The following GRIK4 variants were observed in gnomAD, a reference collection of about 807,000 sequenced individuals.
The protein encoded by GRIK4 is glutamate ionotropic receptor kainate type subunit 4.
In GRIK4, 40 loss-of-function variants were observed where a neutral mutation model predicts 104.9. That is an observed-to-expected ratio of 0.38 (90% CI 0.30 to 0.50). The LOEUF (loss-of-function observed/expected upper bound fraction) is 0.50. Ranked by LOEUF, GRIK4 falls within the 20% of genes least tolerant of loss-of-function variation. The pLI, the probability that GRIK4 is intolerant of heterozygous loss-of-function variation, is 0.93. For missense variants in GRIK4, 1,047 were observed against 1,308.1 expected, an observed-to-expected ratio of 0.80 and a Z score of 3.08; for synonymous variants, 485 against 524.9, an observed-to-expected ratio of 0.92 and a Z score of 1.04.
chr11:120,579,102 A>G (rs187202669), intron 1 of GRIK4, among the ~76,000 whole-genome samples: 16 of 152,250 alleles, frequency 1.1e-4, no homozygotes, highest in Non-Finnish European at 2.2e-4. Flanking sequence ...TTGAGCATCC[A>G]CTGTATGCCA....
chr11:120,572,696 A>G (rs1298682197), intron 1 of GRIK4, among the ~76,000 whole-genome samples: 2 of 152,132 alleles, frequency 1.3e-5, no homozygotes, highest in African/African-American at 2.4e-5. Flanking sequence ...AATAAAATCC[A>G]CTGATAATTC....
chr11:120,520,706 A>G (rs1947786633), intron 1 of GRIK4, among the ~76,000 whole-genome samples: 1 of 152,232 alleles, frequency 6.6e-6, no homozygotes, highest in African/African-American at 2.4e-5. Flanking sequence ...GCCGAGGATT[A>G]GAAGGAGTGG....
At chr11:120,616,015 A>G (rs1949108080) in intron 1 of GRIK4, among the ~76,000 whole-genome samples, 1 of 152,170 alleles carries the variant, frequency 6.6e-6, no homozygotes, top group Non-Finnish European at 1.5e-5. Context: ...TGTCTCCTCC[A>G]GGACCCAGCT....
At chr11:120,803,173 G>A (rs761106957) in intron 4 of GRIK4, among the ~76,000 whole-genome samples, 2 of 152,146 alleles carry the variant, frequency 1.3e-5, no homozygotes, top group Admixed American at 6.5e-5. Context: ...ATGAAATCTC[G>A]TGTGTGATAA....
intron 1 of GRIK4, among the ~76,000 whole-genome samples, chr11:120,628,582 G>T (rs900963896): frequency 6.6e-6 from 1 of 152,194 alleles, no homozygotes; most frequent in African/African-American, 2.4e-5. Flanking sequence ...GCCATGGAAA[G>T]GTTGATGGTC....
chr11:120,957,707 A>G (rs1565462560), intron 16 of GRIK4, among the ~76,000 whole-genome samples: 1 of 151,566 alleles, frequency 6.6e-6, no homozygotes, highest in Non-Finnish European at 1.5e-5. Flanking sequence ...GTCATAGCAT[A>G]CAGGACTTAC....
intron 3 of GRIK4, among the ~76,000 whole-genome samples, chr11:120,768,669 C>T (rs1951883664): frequency 6.6e-6 from 1 of 152,168 alleles, no homozygotes; most frequent in South Asian, 2.1e-4. Flanking sequence ...ATGAGTTTAG[C>T]TATGGGTTTT....
chr11:120,823,153 C>T (rs1953169537), intron 6 of GRIK4, among the ~76,000 whole-genome samples: 1 of 152,232 alleles, frequency 6.6e-6, no homozygotes, highest in African/African-American at 2.4e-5. Context: ...GATGGTCCTG[C>T]AGTCTTCCTC....
At chr11:120,711,004 G>C (rs1950724549) in intron 3 of GRIK4, among the ~76,000 whole-genome samples, 1 of 149,824 alleles carries the variant, frequency 6.7e-6, no homozygotes, top group Admixed American at 6.6e-5. Flanking sequence ...AGGTGGGGAG[G>C]GGGTGTGAGC....
intron 11 of GRIK4, among the ~76,000 whole-genome samples, chr11:120,894,069 A>G (rs1458408652): frequency 6.6e-6 from 1 of 152,198 alleles, no homozygotes; most frequent in Non-Finnish European, 1.5e-5. Flanking sequence ...TCTGGGAACT[A>G]TACTTTGAGA....
chr11:120,934,914 C>T (rs1210205331), intron 13 of GRIK4, among the ~76,000 whole-genome samples: 5 of 152,122 alleles, frequency 3.3e-5, no homozygotes, highest in Admixed American at 2.6e-4. Flanking sequence ...GGTTTTCCAT[C>T]CCCCCTGGGT....
At chr11:120,527,588 G>T (rs928325259) in intron 1 of GRIK4, among the ~76,000 whole-genome samples, 153 of 152,364 alleles carry the variant, frequency 1.0e-3, no homozygotes, top group African/African-American at 3.5e-3. Context: ...TCCTCCAGGG[G>T]CGGGCTGGGG....
chr11:120,938,202 G>C (rs1233597757), intron 13 of GRIK4, among the ~76,000 whole-genome samples: 2 of 152,258 alleles, frequency 1.3e-5, no homozygotes, highest in Non-Finnish European at 2.9e-5. Context: ...CTGTTGTGGA[G>C]GGGCTGAGGC....
chr11:120,692,451 C>G (rs1230118464), intron 3 of GRIK4, among the ~76,000 whole-genome samples: 1 of 152,136 alleles, frequency 6.6e-6, no homozygotes. Flanking sequence ...ATAAACAGAT[C>G]TTGACAATTC....
chr11:120,668,702 G>A (rs996319525), intron 3 of GRIK4, among the ~76,000 whole-genome samples: 1 of 152,136 alleles, frequency 6.6e-6, no homozygotes, highest in Non-Finnish European at 1.5e-5. Flanking sequence ...GTTGGCTCCC[G>A]GGAGGCTCTA....
At chr11:120,604,802 G>A (rs1347333163) in intron 1 of GRIK4, among the ~76,000 whole-genome samples, 1 of 152,194 alleles carries the variant, frequency 6.6e-6, no homozygotes, top group Non-Finnish European at 1.5e-5. Flanking sequence ...AGAAAACAAT[G>A]TGTATGGCCA....
chr11:120,644,297 G>A (rs1167616045), intron 1 of GRIK4, among the ~76,000 whole-genome samples: 1 of 151,972 alleles, frequency 6.6e-6, no homozygotes, highest in East Asian at 1.9e-4. Context: ...ATCAGAAGCA[G>A]CAGAGCTGTT....
At chr11:120,581,717 A>G (rs1357103186) in intron 1 of GRIK4, among the ~76,000 whole-genome samples, 1 of 151,840 alleles carries the variant, frequency 6.6e-6, no homozygotes, top group East Asian at 1.9e-4. Context: ...AGGTTCATTC[A>G]TGTTGTAACA....
intron 3 of GRIK4, among the ~76,000 whole-genome samples, chr11:120,779,265 A>C (rs886806533): frequency 6.6e-6 from 1 of 152,160 alleles, no homozygotes; most frequent in Non-Finnish European, 1.5e-5. Context: ...TGAAGAGAGA[A>C]GCCTCCATAT....
Sources: allele counts gnomAD v4.1 joint callset (sites outside exome capture counted in the v4.1 genomes callset), GRCh38; gene constraint gnomAD v4.1.1; transcripts MANE v1.5; gene names NCBI Gene and HGNC (gene_info 2026-07-23, HGNC 2026-07-21).